The following PPP4R4 variants were observed in gnomAD, a reference collection of about 807,000 sequenced individuals.
PPP4R4 encodes the protein serine/threonine-protein phosphatase 4 regulatory subunit 4.
PPP4R4 carries 70 observed loss-of-function variants against 121.8 expected under a neutral mutation model. The observed-to-expected ratio is 0.57, with a 90% CI of 0.47 to 0.70. The LOEUF (loss-of-function observed/expected upper bound fraction) is 0.70. Ranked by LOEUF, PPP4R4 falls within the 30% of genes least tolerant of loss-of-function variation. PPP4R4 has a pLI of 0.00. For missense variants in PPP4R4, 875 were observed against 1,033.6 expected, an observed-to-expected ratio of 0.85 and a Z score of 2.10; for synonymous variants, 348 against 355.7, an observed-to-expected ratio of 0.98 and a Z score of 0.24.
intron 11 of PPP4R4, 113 bp from the exon 12 acceptor site, chr14:94,244,522 A>G: frequency 1.1e-6 from 1 of 872,624 alleles, no homozygotes; most frequent in South Asian, 1.9e-5. Context: ...GTGTTATAAC[A>G]TGGCTTTATT....
At chr14:94,227,715 G>A in intron 3 of PPP4R4, 1 of 1,010,102 alleles carries the variant, frequency 9.9e-7, no homozygotes, top group Non-Finnish European at 1.2e-6. Flanking sequence ...CTTTAAGAGG[G>A]GGCAGAATTG....
Position 94,273,454 on chromosome 14 carries a change from C to T in PPP4R4, c.2450-1920C>T, listed in dbSNP as rs1420202469. 2.6e-5 allele frequency among the ~76,000 whole-genome samples: 4 copies of T among 151,806 alleles called. No homozygotes were observed. The South Asian group carries it at 6.2e-4, about 24-fold the overall frequency. ...AAATGATAAGTAGTTGTCAGGGGTT[C>T]GGGGGAAGGAGAAATGAATAGATGG... On this transcript the variant is annotated intron_variant, in intron 23 of 24. Coordinates refer to ENST00000304338, the MANE Select transcript of PPP4R4 (RefSeq NM_058237.2).
chr14:94,206,944 CA>C (rs1471522852), intron 2 of PPP4R4, among the ~76,000 whole-genome samples: 4 of 151,966 alleles, frequency 2.6e-5, no homozygotes, highest in African/African-American at 9.7e-5. Flanking sequence ...TTGCCTATTC[CA>C]ACTTTTGGTG....
intron 3 of PPP4R4, among the ~76,000 whole-genome samples, chr14:94,215,451 G>T (rs933330027): frequency 6.6e-6 from 1 of 152,138 alleles, no homozygotes; most frequent in Non-Finnish European, 1.5e-5. Flanking sequence ...TCTGAGATAA[G>T]CATAATAAGC....
rs749121792 is a variant in PPP4R4, at chr14:94,240,699, T to G, written c.880T>G (p.Leu294Val). 1 of 1,605,984 alleles carries G rather than the reference T, an allele frequency of 6.2e-7. No homozygotes were observed. The highest frequency in any genetic ancestry group is 8.5e-7 in the Non-Finnish European group (1 of 1,177,526). ...TDDRSQTILP[L>V]VKSFCEKSFK... ...TGACAGAAGTCAAACTATACTTCCC[T>G]TAGTGAAATCATTTTGTGAAAAATC... The change falls in exon 9 of 25, where the codon TTA becomes GTA. Residue 294 changes from leucine (L) to valine (V), a missense_variant. Physicochemically the swap from Leu to Val is conservative, Grantham distance 32 (BLOSUM62 1). Transcript: ENST00000304338.
rs1894580874 is a variant in PPP4R4, at chr14:94,275,411, A to G, written c.2487A>G (p.Pro829=). The change falls in exon 24 of 25, where the codon CCA becomes CCG. Residue 829 remains proline (P), a synonymous_variant. Transcript: ENST00000304338. ...SFRTRNASSV[P]SSFSPNTPLP... ...GGACTCGTAATGCCAGTAGCGTTCC[A>G]TCTTCCTTTTCTCCTAATACTCCCT... The G allele has an allele frequency of 6.2e-7, 1 of 1,614,012 alleles. No individual in the cohort carries two copies.
intron 3 of PPP4R4, among the ~76,000 whole-genome samples, chr14:94,223,568 G>GC (rs962517823): frequency 6.6e-6 from 1 of 152,122 alleles, no homozygotes; most frequent in Non-Finnish European, 1.5e-5. Context: ...ATACCCCCAG[G>GC]CCCAAAGCAG....
At chr14:94,263,181 G>A (rs989683956) in intron 19 of PPP4R4, among the ~76,000 whole-genome samples, 2 of 151,920 alleles carry the variant, frequency 1.3e-5, no homozygotes, top group Admixed American at 6.6e-5. Flanking sequence ...GGAAGATTTG[G>A]TCATTGTTTA....
intron 12 of PPP4R4, among the ~76,000 whole-genome samples, chr14:94,245,285 G>A (rs1197889479): frequency 4.6e-5 from 7 of 152,030 alleles, no homozygotes; most frequent in Non-Finnish European, 7.4e-5. Context: ...ACAACGTTTC[G>A]AAAGTTTGGA....
At chr14:94,234,522 C>A in intron 6 of PPP4R4, 40 bp from the exon 7 acceptor site, 3 of 1,195,968 alleles carry the variant, frequency 2.5e-6, no homozygotes, top group Non-Finnish European at 3.7e-6. Context: ...TATTCTGAAA[C>A]ACTCATTCAT....
At chr14:94,209,997 C>T (rs1890658912) in intron 3 of PPP4R4, among the ~76,000 whole-genome samples, 1 of 152,006 alleles carries the variant, frequency 6.6e-6, no homozygotes, top group African/African-American at 2.4e-5. Flanking sequence ...AGTTAAGTAA[C>T]AGCTCCCCCA....
intron 2 of PPP4R4, among the ~76,000 whole-genome samples, chr14:94,188,451 C>T (rs1425253377): frequency 6.6e-6 from 1 of 151,948 alleles, no homozygotes; most frequent in Non-Finnish European, 1.5e-5. Flanking sequence ...AATCAAAATG[C>T]CTTGTATTCT....
chr14:94,253,939 C>T (rs1337210421), intron 16 of PPP4R4, among the ~76,000 whole-genome samples: 11 of 152,182 alleles, frequency 7.2e-5, no homozygotes, highest in Admixed American at 3.9e-4. Context: ...GTGGTAGGAT[C>T]ATGTTGGTTA....
chr14:94,176,588 C>T (rs1200531590), intron 2 of PPP4R4, among the ~76,000 whole-genome samples: 2 of 152,118 alleles, frequency 1.3e-5, no homozygotes, highest in African/African-American at 2.4e-5. Flanking sequence ...GCCGTGCAAG[C>T]TTTATGATTT....
At chr14:94,266,454 A>G (rs1287760837) in intron 22 of PPP4R4, among the ~76,000 whole-genome samples, 1 of 152,188 alleles carries the variant, frequency 6.6e-6, no homozygotes, top group Non-Finnish European at 1.5e-5. Flanking sequence ...CTGTATGTCA[A>G]TTGACAAGCA....
intron 5 of PPP4R4, among the ~76,000 whole-genome samples, chr14:94,232,065 T>C (rs1892068833): frequency 1.3e-5 from 2 of 152,202 alleles, no homozygotes; most frequent in African/African-American, 4.8e-5. Flanking sequence ...TGGTTGCCAA[T>C]TCTTTGTTAT....
chr14:94,185,081 G>A (rs1889195576), intron 2 of PPP4R4, among the ~76,000 whole-genome samples: 1 of 152,214 alleles, frequency 6.6e-6, no homozygotes, highest in Non-Finnish European at 1.5e-5. Flanking sequence ...GGGAGTCAGT[G>A]TGTTGTATTG....
chr14:94,261,025 C>T (rs1404657216), intron 19 of PPP4R4, among the ~76,000 whole-genome samples: 7 of 151,698 alleles, frequency 4.6e-5, no homozygotes, highest in Non-Finnish European at 1.0e-4. Context: ...TCATTTATTC[C>T]AGCACCATTT....
intron 2 of PPP4R4, among the ~76,000 whole-genome samples, chr14:94,176,629 C>T (rs548128574): frequency 6.6e-6 from 1 of 152,252 alleles, no homozygotes; most frequent in East Asian, 1.9e-4. Context: ...TTTGGTCGAG[C>T]CTACTGTCAT....
Sources: gnomAD v4.1 joint callset for allele counts (sites outside exome capture counted in the v4.1 genomes callset) on GRCh38, gnomAD v4.1.1 for gene constraint, MANE v1.5 for transcripts, NCBI Gene and HGNC (gene_info 2026-07-23, HGNC 2026-07-21) for gene names.